The following SHISA6 variants were observed in gnomAD, a reference collection of about 807,000 sequenced individuals.
The protein encoded by SHISA6 is protein shisa-6.
Under a neutral mutation model 47.9 loss-of-function variants are expected in SHISA6, and 22 were observed. That is an observed-to-expected ratio of 0.46 (90% CI 0.33 to 0.66). The LOEUF is 0.66. Among genes scored for constraint, SHISA6 ranks in the 30% least tolerant of loss-of-function variants. The pLI is 0.02. For synonymous variants in SHISA6, 388 were observed against 337.8 expected (o/e 1.15, Z -1.63); for missense variants, 680 against 764.6 (o/e 0.89, Z 1.30).
At chr17:11,449,332 A>T (rs1463662153) in intron 3 of SHISA6, among the ~76,000 whole-genome samples, 1 of 152,102 alleles carries the variant, frequency 6.6e-6, no homozygotes, top group Non-Finnish European at 1.5e-5. Flanking sequence ...AGTCCCAGCT[A>T]CTCAGGAGGC....
intron 3 of SHISA6, among the ~76,000 whole-genome samples, chr17:11,438,881 C>T (rs879451610): frequency 1.3e-5 from 2 of 152,090 alleles, no homozygotes; most frequent in Non-Finnish European, 2.9e-5. Flanking sequence ...ATTGGGTTCC[C>T]CCAAGACGAA....
intron 2 of SHISA6, among the ~76,000 whole-genome samples, chr17:11,370,894 T>C (rs1326145636): frequency 6.6e-6 from 1 of 152,182 alleles, no homozygotes; most frequent in Non-Finnish European, 1.5e-5. Context: ...TGCATTCACC[T>C]GATGGGCTAG....
chr17:11,291,013 A>G (rs1909518375), intron 2 of SHISA6, among the ~76,000 whole-genome samples: 1 of 151,250 alleles, frequency 6.6e-6, no homozygotes, highest in Admixed American at 6.6e-5. Context: ...TTAATAATTT[A>G]TTAATAATTC....
chr17:11,281,755 T>A (rs1408645738), intron 2 of SHISA6, among the ~76,000 whole-genome samples: 1 of 152,206 alleles, frequency 6.6e-6, no homozygotes, highest in Non-Finnish European at 1.5e-5. Context: ...TTTTTGTTTA[T>A]TTTTTGTAGG....
intron 2 of SHISA6, among the ~76,000 whole-genome samples, chr17:11,305,214 C>T (rs541645725): frequency 6.6e-6 from 1 of 152,316 alleles, no homozygotes; most frequent in South Asian, 2.1e-4. Flanking sequence ...ATACTGTTTA[C>T]ACTGAATAAG....
At position 11,263,542 on chromosome 17, in the gene SHISA6, G is replaced by T; in HGVS notation, c.799+16G>T. On this transcript the variant is annotated intron_variant, in intron 2 of 5. Transcript: ENST00000441885. ...CAGACTCCAGGTAAGTAACAGCTGG[G>T]CACCTTGATTCTTTGCTGAGGCTGG... is the stretch of plus-strand genomic sequence containing the variant. 6.4e-7 allele frequency: 1 copy of T among 1,551,444 alleles called. No homozygotes were observed. The highest frequency in any genetic ancestry group is 8.7e-7 in the Non-Finnish European group (1 of 1,146,820).
At chr17:11,485,347 A>G (rs1281618215) in intron 3 of SHISA6, among the ~76,000 whole-genome samples, 1 of 152,180 alleles carries the variant, frequency 6.6e-6, no homozygotes, top group Non-Finnish European at 1.5e-5. Flanking sequence ...CTCTCTGCCA[A>G]GAAGCCAAGA....
At chr17:11,430,290 G>A (rs759459668) in intron 3 of SHISA6, among the ~76,000 whole-genome samples, 5 of 152,128 alleles carry the variant, frequency 3.3e-5, no homozygotes, top group Non-Finnish European at 7.3e-5. Context: ...ACGAGGCCAC[G>A]AGACTGGTTG....
intron 1 of SHISA6, among the ~76,000 whole-genome samples, chr17:11,248,906 G>A (rs1021245051): frequency 1.1e-4 from 17 of 152,068 alleles, no homozygotes; most frequent in Admixed American, 1.3e-4. Context: ...TTGGGAGGCC[G>A]AGGCGGGCAG....
At chr17:11,326,226 G>A (rs60560227) in intron 2 of SHISA6, among the ~76,000 whole-genome samples, 40,771 of 150,118 alleles carry the variant, frequency 0.27, 6,400 homozygotes, top group Non-Finnish European at 0.35. Context: ...AGCCGAGATC[G>A]TACCACTGCA....
rs1196207390 is a variant in SHISA6 at position 11,291,337 on chromosome 17, C to T, written c.799+27811C>T. Among the ~76,000 whole-genome samples the T allele has an allele frequency of 2.0e-5, 3 of 151,698 alleles. No homozygotes were observed. In the East Asian group the frequency reaches 5.8e-4, roughly 29 times the overall value. On this transcript the variant is annotated intron_variant, in intron 2 of 5. Transcript: ENST00000441885. ...GGCTGCCATAAAAAATTGCCAGAGA[C>T]TGGGTGACTTAAACAACACGGATTT...
intron 3 of SHISA6, among the ~76,000 whole-genome samples, chr17:11,461,726 C>G (rs1368221354): frequency 1.3e-5 from 2 of 152,108 alleles, no homozygotes; most frequent in African/African-American, 4.8e-5. Context: ...GTTCCTGGCC[C>G]TGGGATTACT....
intron 1 of SHISA6, among the ~76,000 whole-genome samples, chr17:11,259,617 A>C (rs569992343): frequency 6.6e-6 from 1 of 152,364 alleles, no homozygotes; most frequent in East Asian, 1.9e-4. Flanking sequence ...TGTTGAGATA[A>C]CTAAGCACTT....
chr17:11,479,875 T>A (rs1239243283), intron 3 of SHISA6, among the ~76,000 whole-genome samples: 2 of 152,092 alleles, frequency 1.3e-5, no homozygotes, highest in African/African-American at 4.8e-5. Context: ...TTATTTTTTC[T>A]TCATTATTCT....
At chr17:11,468,724 A>G (rs1326382283) in intron 3 of SHISA6, among the ~76,000 whole-genome samples, 1 of 152,130 alleles carries the variant, frequency 6.6e-6, no homozygotes, top group African/African-American at 2.4e-5. Context: ...ATTTCCTTAG[A>G]AGATAAGTCT....
intron 4 of SHISA6, among the ~76,000 whole-genome samples, chr17:11,552,880 C>G (rs1378525567): frequency 1.3e-5 from 2 of 152,066 alleles, no homozygotes; most frequent in Non-Finnish European, 2.9e-5. Context: ...CTGGGAGAAA[C>G]TGGGGAGATC....
At chr17:11,383,802 T>G (rs205053) in intron 3 of SHISA6, among the ~76,000 whole-genome samples, 152,156 of 152,192 alleles carry the variant, frequency 1, 76,060 homozygotes, top group Non-Finnish European at 1. Flanking sequence ...AGAATCTAGG[T>G]CTAAGATGCT....
At chr17:11,535,885 A>ATGTGTGTG (rs10570271) in intron 3 of SHISA6, among the ~76,000 whole-genome samples, 1 of 150,298 alleles carries the variant, frequency 6.7e-6, no homozygotes, top group Admixed American at 6.6e-5. Flanking sequence ...TGGGAAAACA[A>ATGTGTGTG]TGTGTGTGTG....
chr17:11,245,146 T>C (rs1307773702), intron 1 of SHISA6, among the ~76,000 whole-genome samples: 1 of 152,184 alleles, frequency 6.6e-6, no homozygotes, highest in Non-Finnish European at 1.5e-5. Context: ...TCAGCTCTCT[T>C]GTGATTCTAA....
Sources: allele counts gnomAD v4.1 joint callset (sites outside exome capture counted in the v4.1 genomes callset), GRCh38; gene constraint gnomAD v4.1.1; transcripts MANE v1.5; gene names NCBI Gene and HGNC (gene_info 2026-07-23, HGNC 2026-07-21).